The following C19orf81 variants were observed in gnomAD, a reference collection of about 807,000 sequenced individuals.
C19orf81 encodes putative uncharacterized protein C19orf81.
A neutral mutation model predicts 22.1 loss-of-function variants in C19orf81; 19 were observed. The ratio of observed to expected loss-of-function variants is 0.86; its 90% confidence interval spans 0.60 to 1.26. The LOEUF (loss-of-function observed/expected upper bound fraction) is 1.26, where lower values mean the gene tolerates loss of function less well. Among genes scored for constraint, C19orf81 ranks in the 50% most tolerant of loss-of-function variants. The probability of loss-of-function intolerance (pLI) is 0.00; values close to 1 mark genes in which losing one functional copy is unlikely to be tolerated. For missense variants in C19orf81, 287 were observed against 280.7 expected (o/e 1.02, Z -0.16); for synonymous variants, 108 against 113.1 (o/e 0.95, Z 0.29).
rs1316866500 is a variant in C19orf81 at position 50,659,256 on chromosome 19, C to T, written c.*114C>T. ...TCCCAGGAAGGAGGCGGGGCCGGCT[C>T]GAGGGGGTGGATACTGTGAGTTTAA... is the stretch of plus-strand genomic sequence containing the variant. On this transcript the variant is annotated 3_prime_UTR_variant, in exon 5 of 5. Transcript: ENST00000425202. 6.0e-6 allele frequency: 5 copies of T among 831,536 alleles called. No homozygotes were observed. In the East Asian group the frequency reaches 1.0e-4, roughly 17 times the overall value. The allele number at this position is 831,536 out of a possible 1,614,324, so 51.5% of individuals were successfully genotyped here.
intron 1 of C19orf81, among the ~76,000 whole-genome samples, chr19:50,652,398 G>A (rs1342787007): frequency 6.6e-6 from 1 of 151,998 alleles, no homozygotes; most frequent in Non-Finnish European, 1.5e-5. Flanking sequence ...GTGTAATTAG[G>A]GAATCATAGA....
intron 1 of C19orf81, among the ~76,000 whole-genome samples, chr19:50,650,641 A>T (rs991929780): frequency 6.6e-6 from 1 of 152,360 alleles, no homozygotes; most frequent in South Asian, 2.1e-4. Context: ...ACTGCACTCC[A>T]GCCTGGGTGA....
At chr19:50,657,049 T>C (rs1985012033) in intron 3 of C19orf81, among the ~76,000 whole-genome samples, 1 of 150,150 alleles carries the variant, frequency 6.7e-6, no homozygotes, top group Admixed American at 6.6e-5. Flanking sequence ...AAGAAAGAGG[T>C]CATGTTTTTG....
rs1258935569 is a variant in C19orf81, at chr19:50,656,068, T to C, written c.86T>C (p.Leu29Pro). The change falls in exon 2 of 5, where the codon CTG becomes CCG. Residue 29 changes from leucine (L) to proline (P), a missense_variant. Transcript: ENST00000425202. ...TCCTCAGGAGCCCTCCTTATGGACC[T>C]GGAGACCCCAGAGGAGATGCAGGCT... ...HRKAGALLMD[L>P]ETPEEMQARS... The C allele has an allele frequency of 6.5e-7, 1 of 1,536,154 alleles. No individual in the cohort carries two copies. Among genetic ancestry groups the C allele is most frequent in the East Asian group, 2.4e-5 (1 of 40,912 alleles).
intron 1 of C19orf81, 98 bp from the exon 2 acceptor site, chr19:50,655,952 C>G (rs938819920): frequency 1.7e-6 from 2 of 1,143,000 alleles, no homozygotes; most frequent in African/African-American, 3.1e-5. Context: ...ACAAGCTATT[C>G]TGGGTGTGGC....
At chr19:50,658,722 C>T (rs979909152) in intron 4 of C19orf81, 9 of 417,104 alleles carry the variant, frequency 2.2e-5, no homozygotes, top group Admixed American at 2.1e-4. Flanking sequence ...GAGATGGAGC[C>T]TCGACAGACA....
At chr19:50,649,839 T>C in intron 1 of C19orf81, 1 of 493,114 alleles carries the variant, frequency 2.0e-6, no homozygotes, top group African/African-American at 1.9e-5. Flanking sequence ...CTCAGCATCT[T>C]CCCCCAAAGC....
At chr19:50,652,591 C>T (rs1052570161) in intron 1 of C19orf81, among the ~76,000 whole-genome samples, 3 of 152,092 alleles carry the variant, frequency 2.0e-5, no homozygotes, top group East Asian at 1.9e-4. Context: ...AGAAAAACAG[C>T]GTTTTTGGAC....
chr19:50,658,964 C>T lies in C19orf81; in HGVS notation c.419C>T (p.Thr140Met), dbSNP rs1185910805. The T allele has an allele frequency of 6.7e-7, 1 of 1,497,776 alleles. No homozygotes were observed. Among genetic ancestry groups the T allele is most frequent in the Non-Finnish European group, 8.9e-7 (1 of 1,123,534 alleles). The allele number at this position is 1,497,776 out of a possible 1,614,324, so 92.8% of individuals were successfully genotyped here. Residue 140 changes from threonine to methionine, a missense_variant, in exon 5 of 5, where the codon ACG (threonine) becomes ATG (methionine). By Grantham distance (81) the Thr-to-Met change is moderately conservative. Coordinates refer to ENST00000425202, the MANE Select transcript of C19orf81 (RefSeq NM_001195076.2). ...CCTTACAGGTGGCTCATCGCGGTCA[C>T]GGACTTCCAGACGCGCTCGCGCTTG... ...GRRNRWLIAVTDFQTRSRLLR... is the reference protein window; with the variant it reads ...GRRNRWLIAVMDFQTRSRLLR...
In C19orf81 at chr19:50,656,338, G is replaced by A. The variant is rs1422206797; in HGVS notation, c.253G>A (p.Glu85Lys). 6.5e-7 allele frequency: 1 copy of A among 1,535,658 alleles called. No individual in the cohort carries two copies. ...PASQPLCLCM[E>K]TLPEEDFTHL... ...TTCCCAGCCCCTCTGCCTCTGCATG[G>A]AGACCTTGGTGAGTGGACCTGTGCC... The change falls in exon 3 of 5, where the codon GAG (glutamate) becomes AAG (lysine). Residue 85 changes from glutamate to lysine, a missense_variant. Glu to Lys is a moderately conservative substitution (Grantham distance 56). Transcript: ENST00000425202.
At chr19:50,655,952 C>T in intron 1 of C19orf81, 98 bp from the exon 2 acceptor site, 1 of 1,143,000 alleles carries the variant, frequency 8.7e-7, no homozygotes, top group Non-Finnish European at 1.3e-6. Context: ...ACAAGCTATT[C>T]TGGGTGTGGC....
intron 1 of C19orf81, among the ~76,000 whole-genome samples, chr19:50,651,744 A>C (rs1483170381): frequency 1.3e-5 from 2 of 152,088 alleles, no homozygotes; most frequent in Non-Finnish European, 2.9e-5. Context: ...GCATTTCCTC[A>C]ATTTTTCAAT....
At chr19:50,656,378 A>G (rs1339930100) in intron 3 of C19orf81, 32 bp downstream of exon 3, 3 of 1,516,042 alleles carry the variant, frequency 2.0e-6, no homozygotes. Context: ...TTTTCTGCAC[A>G]GTTTTGGTGG....
At chr19:50,657,555 C>G (rs1029842898) in intron 3 of C19orf81, among the ~76,000 whole-genome samples, 1 of 152,182 alleles carries the variant, frequency 6.6e-6, no homozygotes, top group African/African-American at 2.4e-5. Context: ...CTTTTGACTA[C>G]TGAACATTCT....
chr19:50,657,246 T>C (rs12985082), intron 3 of C19orf81, among the ~76,000 whole-genome samples: 1 of 152,162 alleles, frequency 6.6e-6, no homozygotes, highest in African/African-American at 2.4e-5. Flanking sequence ...GGGATTGCTG[T>C]CCTCGTTTTA....
At chr19:50,654,911 T>C (rs1190175897) in intron 1 of C19orf81, among the ~76,000 whole-genome samples, 3 of 152,226 alleles carry the variant, frequency 2.0e-5, no homozygotes, top group African/African-American at 7.2e-5. Context: ...TGGGACATCT[T>C]GGCTTGGTGA....
chr19:50,652,687 A>T (rs949058371), intron 1 of C19orf81, among the ~76,000 whole-genome samples: 1 of 152,170 alleles, frequency 6.6e-6, no homozygotes, highest in Non-Finnish European at 1.5e-5. Context: ...GGTCACTGGA[A>T]GGACTTTGGA....
At chr19:50,655,981 A>G in intron 1 of C19orf81, 69 bp from the exon 2 acceptor site, 1 of 1,421,626 alleles carries the variant, frequency 7.0e-7, no homozygotes, top group East Asian at 2.5e-5. Context: ...GCAATTGGTG[A>G]TGGCCATTTA....
chr19:50,651,467 C>T (rs1271412116), intron 1 of C19orf81, among the ~76,000 whole-genome samples: 1 of 152,188 alleles, frequency 6.6e-6, no homozygotes, highest in Non-Finnish European at 1.5e-5. Context: ...CATTGAAACA[C>T]ACATTGCCCT....
Sources: allele counts gnomAD v4.1 joint callset (sites outside exome capture counted in the v4.1 genomes callset), GRCh38; gene constraint gnomAD v4.1.1; transcripts MANE v1.5; gene names NCBI Gene and HGNC (gene_info 2026-07-23, HGNC 2026-07-21).